Variants in DHRSX observed in about 807,000 individuals in gnomAD.
DHRSX encodes the protein dehydrogenase/reductase X-linked, also known as polyprenol dehydrogenase.
In DHRSX, 31 loss-of-function variants were observed where a neutral mutation model predicts 34.0. The observed-to-expected ratio is 0.91, with a 90% CI of 0.69 to 1.23. DHRSX has a LOEUF of 1.23. Among genes scored for constraint, DHRSX ranks in the 50% most tolerant of loss-of-function variants. The pLI, the probability that DHRSX is intolerant of heterozygous loss-of-function variation, is 0.00. For synonymous variants in DHRSX, 201 were observed against 183.8 expected (o/e 1.09, Z -0.76); for missense variants, 414 against 428.1 (o/e 0.97, Z 0.29).
At chrX:2,403,411 G>C (rs1780881711) in intron 3 of DHRSX, among the ~76,000 whole-genome samples, 2 of 152,104 alleles carry the variant, frequency 1.3e-5, no homozygotes, top group Non-Finnish European at 2.9e-5. Flanking sequence ...TGGCTTAAAG[G>C]CCATCGGTAT....
chrX:2,324,467 T>C (rs368559769), intron 3 of DHRSX, among the ~76,000 whole-genome samples: 3 of 152,144 alleles, frequency 2.0e-5, no homozygotes, highest in East Asian at 1.9e-4. Flanking sequence ...CTTTCCAACG[T>C]TGCCCTTGGA....
At chrX:2,376,784 A>G (rs768750613) in intron 3 of DHRSX, among the ~76,000 whole-genome samples, 2 of 152,252 alleles carry the variant, frequency 1.3e-5, no homozygotes, top group East Asian at 3.9e-4. Context: ...TCTTGAGGTC[A>G]GGAGACTGAG....
chrX:2,495,807 G>A (rs1291497953), intron 1 of DHRSX, among the ~76,000 whole-genome samples: 3 of 152,042 alleles, frequency 2.0e-5, no homozygotes, highest in Non-Finnish European at 4.4e-5. Flanking sequence ...TCCCCAAAAC[G>A]CTCTCAGGGG....
In DHRSX at chrX:2,252,083, C is replaced by T. The variant is rs1479187329; in HGVS notation, c.597-8853G>A. ...TGAAACCCCGTCTCTACTAAAAATA[C>T]AAAAATTAGCAGGGCGTGGTGGCAG... On this transcript the variant is annotated intron_variant, in intron 5 of 6. Coordinates refer to ENST00000334651, the MANE Select transcript of DHRSX (RefSeq NM_145177.3). 5.9e-5 allele frequency among the ~76,000 whole-genome samples: 9 copies of T among 151,874 alleles called. No homozygotes were observed. The East Asian group carries it at 9.7e-4, about 16-fold the overall frequency.
intron 1 of DHRSX, among the ~76,000 whole-genome samples, chrX:2,448,116 T>A (rs1406920274): frequency 1.3e-5 from 2 of 149,840 alleles, no homozygotes; most frequent in African/African-American, 2.5e-5. Context: ...GGCAGGAGGA[T>A]CACTTCAGCC....
At chrX:2,295,152 T>C (rs1401733042) in intron 3 of DHRSX, among the ~76,000 whole-genome samples, 6 of 152,146 alleles carry the variant, frequency 3.9e-5, no homozygotes, top group African/African-American at 1.4e-4. Flanking sequence ...CTATTAACAA[T>C]AGCAAAAACT....
At chrX:2,495,964 G>C (rs1417812873) in intron 1 of DHRSX, among the ~76,000 whole-genome samples, 2 of 152,210 alleles carry the variant, frequency 1.3e-5, no homozygotes, top group African/African-American at 4.8e-5. Flanking sequence ...TTATGGATGA[G>C]ACTGACAAAA....
intron 3 of DHRSX, among the ~76,000 whole-genome samples, chrX:2,302,129 A>T (rs2042019535): frequency 6.6e-6 from 1 of 152,112 alleles, no homozygotes; most frequent in Admixed American, 6.6e-5. Flanking sequence ...TCCAAGAGTC[A>T]GCCAAACGTG....
intron 1 of DHRSX, among the ~76,000 whole-genome samples, chrX:2,476,633 C>T (rs1476839292): frequency 6.6e-6 from 1 of 152,106 alleles, no homozygotes; most frequent in East Asian, 1.9e-4. Flanking sequence ...TTCATCCATT[C>T]CTCAAAACAA....
intron 3 of DHRSX, among the ~76,000 whole-genome samples, chrX:2,360,311 G>C (rs9785538): frequency 1.3e-5 from 2 of 151,994 alleles, no homozygotes; most frequent in Admixed American, 1.3e-4. Context: ...GGGGCCAGGC[G>C]TGGTGGCTCA....
chrX:2,259,038 G>A (rs2041318501), intron 5 of DHRSX, among the ~76,000 whole-genome samples: 1 of 152,192 alleles, frequency 6.6e-6, no homozygotes, highest in Non-Finnish European at 1.5e-5. Flanking sequence ...ACTTTGGGAG[G>A]CCGAGGCGAG....
chrX:2,370,925 G>A (rs2043050830), intron 3 of DHRSX, among the ~76,000 whole-genome samples: 3 of 152,172 alleles, frequency 2.0e-5, no homozygotes, highest in Middle Eastern at 3.4e-3. Context: ...ACCCCACATC[G>A]AACGACCCCA....
intron 6 of DHRSX, among the ~76,000 whole-genome samples, chrX:2,229,837 G>A (rs2015827897): frequency 6.6e-6 from 1 of 152,060 alleles, no homozygotes; most frequent in Admixed American, 6.5e-5. Flanking sequence ...ATGTGAATGT[G>A]TACTTGAGGG....
intron 3 of DHRSX, among the ~76,000 whole-genome samples, chrX:2,371,363 A>G (rs188009876): frequency 0.066 from 6,999 of 106,564 alleles, 210 homozygotes; most frequent in African/African-American, 0.14. Flanking sequence ...CCCTCCTCCC[A>G]TTACTATAGA....
chrX:2,490,005 G>A (rs1370744355), intron 1 of DHRSX: 6 of 1,613,748 alleles, frequency 3.7e-6, no homozygotes, highest in Non-Finnish European at 5.1e-6. Context: ...TTCTCTTCGG[G>A]CACCTCGAAG....
intron 3 of DHRSX, 61 bp downstream of exon 3, chrX:2,408,684 A>G: frequency 2.0e-6 from 3 of 1,482,202 alleles, no homozygotes; most frequent in Non-Finnish European, 2.8e-6. Context: ...TGAACCACGC[A>G]AACGACCTGT....
intron 3 of DHRSX, among the ~76,000 whole-genome samples, chrX:2,357,903 G>A (rs1197673513): frequency 6.6e-6 from 1 of 152,060 alleles, no homozygotes; most frequent in African/African-American, 2.4e-5. Flanking sequence ...GTACATCACT[G>A]GGGTGTGGCT....
chrX:2,462,123 C>G (rs1002277421), intron 1 of DHRSX, among the ~76,000 whole-genome samples: 10 of 151,362 alleles, frequency 6.6e-5, no homozygotes, highest in African/African-American at 2.4e-4. Context: ...ACAGAGCCCC[C>G]AGTGTTAGAT....
At chrX:2,499,840 T>G (rs1213172324) in intron 1 of DHRSX, among the ~76,000 whole-genome samples, 2 of 152,020 alleles carry the variant, frequency 1.3e-5, no homozygotes, top group African/African-American at 4.8e-5. Context: ...AGCCCAGGAG[T>G]TCGAGACCAG....
Sources: gnomAD v4.1 joint callset for allele counts (sites outside exome capture counted in the v4.1 genomes callset) on GRCh38, gnomAD v4.1.1 for gene constraint, MANE v1.5 for transcripts, NCBI Gene and HGNC (gene_info 2026-07-23, HGNC 2026-07-21) for gene names.